The following GRID2 variants were observed in gnomAD, a reference collection of about 807,000 sequenced individuals.
The protein encoded by GRID2 is glutamate ionotropic receptor delta type subunit 2, also known as glutamate receptor ionotropic, delta-2.
A neutral mutation model predicts 114.8 loss-of-function variants in GRID2; 33 were observed. The observed-to-expected ratio is 0.29, with a 90% CI of 0.22 to 0.38. The LOEUF (loss-of-function observed/expected upper bound fraction) is 0.38. Among genes scored for constraint, GRID2 ranks in the 10% least tolerant of loss-of-function variants. The probability of loss-of-function intolerance (pLI) is 1.00; values close to 1 mark genes in which losing one functional copy is unlikely to be tolerated. For synonymous variants in GRID2, 505 were observed against 449.9 expected (o/e 1.12, Z -1.55); for missense variants, 1,184 against 1,257.7 (o/e 0.94, Z 0.89).
rs1179080101 is a variant in GRID2, at chr4:93,358,597, TAA to T, written c.1246-37009_1246-37008del. On this transcript the variant is annotated intron_variant, in intron 8 of 15. Coordinates refer to ENST00000282020, the MANE Select transcript of GRID2 (RefSeq NM_001510.4). ...ATAATGCAATAACTCTAGAAACTAATAAGAGATTTTAAAAAAGAAACAAAAAA... is the reference window on the plus strand; with the variant it reads ...ATAATGCAATAACTCTAGAAACTAATGAGATTTTAAAAAAGAAACAAAAAA... Among the ~76,000 whole-genome samples, 5 of 151,988 alleles carry T rather than the reference TAA, an allele frequency of 3.3e-5. No individual in the cohort carries two copies. In the East Asian group the frequency reaches 9.7e-4, roughly 29 times the overall value.
At chr4:92,324,882 A>C (rs1432232410) in intron 1 of GRID2, among the ~76,000 whole-genome samples, 1 of 151,938 alleles carries the variant, frequency 6.6e-6, no homozygotes. Flanking sequence ...CATTTATTGA[A>C]CAAATACCAT....
At chr4:93,624,631 A>G (rs1415205281) in intron 13 of GRID2, among the ~76,000 whole-genome samples, 3 of 152,202 alleles carry the variant, frequency 2.0e-5, no homozygotes, top group Non-Finnish European at 4.4e-5. Context: ...TCACCCCAGT[A>G]ACATTTCTAA....
chr4:93,125,347 T>A (rs2149367378), intron 4 of GRID2, among the ~76,000 whole-genome samples: 1 of 152,088 alleles, frequency 6.6e-6, no homozygotes, highest in African/African-American at 2.4e-5. Context: ...GTAGAAGTTT[T>A]GAAAAAGCAA....
In GRID2 at chr4:93,301,427, G is replaced by A. The variant is rs983507150; in HGVS notation, c.1245+62937G>A. Among the ~76,000 whole-genome samples, 8 of 152,136 alleles carry A rather than the reference G, an allele frequency of 5.3e-5. No individual in the cohort carries two copies. In the East Asian group the frequency reaches 9.6e-4, roughly 18 times the overall value. On this transcript the variant is annotated intron_variant, in intron 8 of 15. Transcript: ENST00000282020. ...TACTTTCAAGTTTAAACTGGGATTC[G>A]TTAAAAGTTAACATGAAGAACAACA...
chr4:92,949,748 C>A (rs1751895592), intron 2 of GRID2, among the ~76,000 whole-genome samples: 1 of 151,706 alleles, frequency 6.6e-6, no homozygotes, highest in South Asian at 2.1e-4. Context: ...CTGCTACCAT[C>A]CAACAAATTG....
At chr4:93,711,127 T>G (rs1728441774) in intron 14 of GRID2, among the ~76,000 whole-genome samples, 1 of 152,148 alleles carries the variant, frequency 6.6e-6, no homozygotes, top group East Asian at 1.9e-4. Context: ...CTTCCTTTTT[T>G]GTCAAGTAGA....
At chr4:92,961,287 C>G (rs1752788808) in intron 2 of GRID2, among the ~76,000 whole-genome samples, 1 of 151,504 alleles carries the variant, frequency 6.6e-6, no homozygotes. Flanking sequence ...TATGTTGATA[C>G]AAGTTTCTGA....
intron 8 of GRID2, among the ~76,000 whole-genome samples, chr4:93,348,503 G>T (rs988153373): frequency 7.9e-5 from 12 of 152,148 alleles, no homozygotes; most frequent in African/African-American, 9.7e-5. Flanking sequence ...GAAGCAAAGT[G>T]TTTAAATCAT....
intron 12 of GRID2, among the ~76,000 whole-genome samples, chr4:93,495,876 A>G (rs1213933071): frequency 6.6e-6 from 1 of 151,772 alleles, no homozygotes; most frequent in African/African-American, 2.4e-5. Context: ...TGTTTAAGAT[A>G]TTTAAAGAGA....
intron 13 of GRID2, among the ~76,000 whole-genome samples, chr4:93,518,031 A>G (rs1456554345): frequency 7.4e-6 from 1 of 135,876 alleles, no homozygotes. Flanking sequence ...ATGTACATGT[A>G]TGTATATATA....
rs536812555 is a variant in GRID2, at chr4:93,045,660, G to C, written c.245-39335G>C. 2.0e-5 allele frequency among the ~76,000 whole-genome samples: 3 copies of C among 152,148 alleles called. No homozygotes were observed. The East Asian group carries it at 5.8e-4, about 29-fold the overall frequency. On this transcript the variant is annotated intron_variant, in intron 2 of 15. Transcript: ENST00000282020. ...CTTTTATTAACCTCACTTTGCCCTTGGCATCTTGTACTTTGAACTGGGGCC... is the reference window on the plus strand; with the variant it reads ...CTTTTATTAACCTCACTTTGCCCTTCGCATCTTGTACTTTGAACTGGGGCC...
chr4:92,697,974 T>C (rs1034543650), intron 2 of GRID2, among the ~76,000 whole-genome samples: 6 of 152,144 alleles, frequency 3.9e-5, no homozygotes, highest in African/African-American at 1.4e-4. Context: ...TGTTTGCCAT[T>C]TTAATTTTTG....
At chr4:92,583,764 A>T (rs1035574862) in intron 1 of GRID2, among the ~76,000 whole-genome samples, 12 of 150,418 alleles carry the variant, frequency 8.0e-5, no homozygotes, top group African/African-American at 2.7e-4. Flanking sequence ...ATGTACATTC[A>T]TTACATATAC....
intron 2 of GRID2, among the ~76,000 whole-genome samples, chr4:92,807,787 A>G (rs1002444624): frequency 6.6e-6 from 1 of 151,916 alleles, no homozygotes; most frequent in Admixed American, 6.6e-5. Context: ...TCTAACTTCT[A>G]CATTTACCCA....
chr4:92,997,120 A>G (rs1755250710), intron 2 of GRID2, among the ~76,000 whole-genome samples: 1 of 152,198 alleles, frequency 6.6e-6, no homozygotes, highest in Non-Finnish European at 1.5e-5. Context: ...TGTTTTGCCT[A>G]TTAATAATTG....
chr4:92,327,024 C>G (rs1263485450), intron 1 of GRID2, among the ~76,000 whole-genome samples: 1 of 151,932 alleles, frequency 6.6e-6, no homozygotes, highest in African/African-American at 2.4e-5. Context: ...ACTACATTGC[C>G]ACATTGTAGT....
intron 13 of GRID2, among the ~76,000 whole-genome samples, chr4:93,612,052 C>G (rs1007393714): frequency 6.6e-6 from 1 of 151,974 alleles, no homozygotes; most frequent in African/African-American, 2.4e-5. Context: ...TTGAATTGAT[C>G]CCTTTACCAT....
intron 2 of GRID2, among the ~76,000 whole-genome samples, chr4:92,996,286 T>G (rs1755190879): frequency 6.6e-6 from 1 of 150,938 alleles, no homozygotes; most frequent in African/African-American, 2.4e-5. Context: ...CAAGACTCTC[T>G]CTCTTTCTAA....
intron 1 of GRID2, among the ~76,000 whole-genome samples, chr4:92,511,635 C>T (rs1404019028): frequency 2.0e-5 from 3 of 151,700 alleles, no homozygotes; most frequent in South Asian, 4.1e-4. Flanking sequence ...TCTTGATTAC[C>T]TTAAGAATTA....
Sources: allele counts gnomAD v4.1 joint callset (sites outside exome capture counted in the v4.1 genomes callset), GRCh38; gene constraint gnomAD v4.1.1; transcripts MANE v1.5; gene names NCBI Gene and HGNC (gene_info 2026-07-23, HGNC 2026-07-21).